CNTN1: variants seen among roughly 807,000 people sequenced by gnomAD.
CNTN1 encodes the protein contactin 1, also known as contactin-1.
Under a neutral mutation model 126.4 loss-of-function variants are expected in CNTN1, and 38 were observed. That is an observed-to-expected ratio of 0.30 (90% CI 0.23 to 0.39). The LOEUF is 0.39. CNTN1 is among the 10% of genes least tolerant of loss of function. The pLI is 1.00. For synonymous variants in CNTN1, 413 were observed against 422.6 expected (o/e 0.98, Z 0.28); for missense variants, 1,009 against 1,248.4 (o/e 0.81, Z 2.89).
intron 1 of CNTN1, among the ~76,000 whole-genome samples, chr12:40,694,287 C>T (rs1941389641): frequency 6.6e-6 from 1 of 152,142 alleles, no homozygotes; most frequent in African/African-American, 2.4e-5. Flanking sequence ...ATTTGTACTG[C>T]TTTTTCATAT....
intron 1 of CNTN1, among the ~76,000 whole-genome samples, chr12:40,721,422 TC>T (rs1194614828): frequency 6.6e-6 from 1 of 152,078 alleles, no homozygotes; most frequent in African/African-American, 2.4e-5. Flanking sequence ...CAACTTATTT[TC>T]CCTGCCAAAG....
At chr12:40,927,779 A>G (rs1056019088) in intron 6 of CNTN1, among the ~76,000 whole-genome samples, 2 of 152,154 alleles carry the variant, frequency 1.3e-5, no homozygotes, top group East Asian at 1.9e-4. Context: ...TACATCGGGC[A>G]TTCAGTCAGT....
Position 41,055,142 on chromosome 12 carries a change from TA to T in CNTN1, c.2981-14816del, listed in dbSNP as rs534902549. 1.7e-3 allele frequency among the ~76,000 whole-genome samples: 255 copies of T among 152,260 alleles called. 1 individual carries two copies. The highest frequency in any genetic ancestry group is 5.7e-3 in the African/African-American group (237 of 41,586). On this transcript the variant is annotated intron_variant, in intron 23 of 23. Coordinates refer to ENST00000551295, the MANE Select transcript of CNTN1 (RefSeq NM_001843.4). ...AAATATGTTGAAGTTTTAAGGGAAT[TA>T]TTTTTTTTATTATCTTGGATTGGTC...
chr12:41,031,222 T>C (rs1409431828), intron 23 of CNTN1, among the ~76,000 whole-genome samples: 1 of 152,190 alleles, frequency 6.6e-6, no homozygotes, highest in Non-Finnish European at 1.5e-5. Flanking sequence ...GTAGAATCAC[T>C]AGGGATAGGG....
chr12:41,020,747 A>G (rs1456870490), intron 20 of CNTN1, among the ~76,000 whole-genome samples: 1 of 152,350 alleles, frequency 6.6e-6, no homozygotes, highest in South Asian at 2.1e-4. Context: ...ATAAAAAGCT[A>G]GTGAATCTCA....
At chr12:40,793,444 C>A (rs1338054491) in intron 1 of CNTN1, among the ~76,000 whole-genome samples, 1 of 138,876 alleles carries the variant, frequency 7.2e-6, no homozygotes, top group Non-Finnish European at 1.6e-5. Flanking sequence ...CATTTTGTCC[C>A]CGTCAGCACC....
intron 23 of CNTN1, among the ~76,000 whole-genome samples, chr12:41,059,000 A>AT (rs1949885220): frequency 6.6e-6 from 1 of 151,944 alleles, no homozygotes; most frequent in African/African-American, 2.4e-5. Flanking sequence ...ATGTGCATAT[A>AT]GCAAAACAGA....
chr12:40,956,294 A>C (rs182968870), intron 14 of CNTN1, among the ~76,000 whole-genome samples: 1 of 152,284 alleles, frequency 6.6e-6, no homozygotes, highest in Non-Finnish European at 1.5e-5. Context: ...TCTGCTAAAT[A>C]AAACAGACGT....
intron 1 of CNTN1, among the ~76,000 whole-genome samples, chr12:40,715,903 A>G (rs1336924166): frequency 6.6e-6 from 1 of 152,134 alleles, no homozygotes; most frequent in Non-Finnish European, 1.5e-5. Flanking sequence ...ACCACCATTC[A>G]GACATTCAGA....
chr12:41,007,126 C>T (rs1267686839), intron 17 of CNTN1, among the ~76,000 whole-genome samples: 7 of 124,366 alleles, frequency 5.6e-5, no homozygotes, highest in African/African-American at 2.1e-4. Flanking sequence ...GTGGCGGGAT[C>T]TCGGCTCACT....
At chr12:40,857,450 G>T (rs1322289031) in intron 1 of CNTN1, among the ~76,000 whole-genome samples, 1 of 152,026 alleles carries the variant, frequency 6.6e-6, no homozygotes, top group Non-Finnish European at 1.5e-5. Flanking sequence ...AGATGTCTTA[G>T]GAACTTTGAT....
At chr12:40,885,875 T>A (rs1009872906) in intron 1 of CNTN1, among the ~76,000 whole-genome samples, 1 of 152,082 alleles carries the variant, frequency 6.6e-6, no homozygotes, top group African/African-American at 2.4e-5. Flanking sequence ...TTCTTTTAAG[T>A]CTATCAATAA....
rs554107475 is a variant in CNTN1 at position 40,706,713 on chromosome 12, G to C, written c.-77+14121G>C. On this transcript the variant is annotated intron_variant, in intron 1 of 23. Transcript: ENST00000551295. ...CCAGAGGAAGGTTGTCTATTTATTA[G>C]CAGATGCCCACACTACTTCTTCCAT... 3.3e-5 allele frequency among the ~76,000 whole-genome samples: 5 copies of C among 152,196 alleles called. No individual in the cohort carries two copies. The East Asian group carries it at 9.7e-4, about 29-fold the overall frequency.
chr12:40,940,220 G>A (rs1478079419), intron 12 of CNTN1, among the ~76,000 whole-genome samples: 1 of 151,628 alleles, frequency 6.6e-6, no homozygotes, highest in Non-Finnish European at 1.5e-5. Context: ...GTGAATGTGA[G>A]GGCAGCATGT....
chr12:40,980,269 CAA>C lies in CNTN1; in HGVS notation c.1805-637_1805-636del, dbSNP rs139233057. ...ACAACACGGTGAAACCCAGTCTCTG[CAA>C]AAGAGTACACACATGCACACAAAAA... is the stretch of plus-strand genomic sequence containing the variant. On this transcript the variant is annotated intron_variant, in intron 15 of 23. Coordinates refer to ENST00000551295, the MANE Select transcript of CNTN1 (RefSeq NM_001843.4). 7.6e-3 allele frequency among the ~76,000 whole-genome samples: 1,152 copies of C among 152,034 alleles called. 16 individuals carry two copies. The highest frequency in any genetic ancestry group is 0.026 in the African/African-American group (1,087 of 41,490).
intron 23 of CNTN1, among the ~76,000 whole-genome samples, chr12:41,042,453 G>T (rs1325437781): frequency 2.6e-5 from 4 of 151,882 alleles, no homozygotes; most frequent in South Asian, 2.1e-4. Flanking sequence ...CAGAGCTGAG[G>T]TCAATTCCTG....
intron 1 of CNTN1, among the ~76,000 whole-genome samples, chr12:40,857,203 T>A (rs1942942759): frequency 1.3e-5 from 2 of 152,010 alleles, no homozygotes; most frequent in South Asian, 4.1e-4. Context: ...ATGCTGAAGG[T>A]TGGTGCTGGT....
intron 23 of CNTN1, 44 bp downstream of exon 23, chr12:41,029,263 G>A (rs1055134035): frequency 6.2e-7 from 1 of 1,608,796 alleles, no homozygotes; most frequent in African/African-American, 1.3e-5. Context: ...GTACTTGTGA[G>A]TTTCTAGACC....
At chr12:40,826,686 G>A (rs1020064177) in intron 1 of CNTN1, among the ~76,000 whole-genome samples, 1 of 152,142 alleles carries the variant, frequency 6.6e-6, no homozygotes, top group African/African-American at 2.4e-5. Context: ...TTGATTTGTT[G>A]ATGAAAATGA....
Sources: gnomAD v4.1 joint callset for allele counts (sites outside exome capture counted in the v4.1 genomes callset) on GRCh38, gnomAD v4.1.1 for gene constraint, MANE v1.5 for transcripts, NCBI Gene and HGNC (gene_info 2026-07-23, HGNC 2026-07-21) for gene names.